TENM1: variants seen among roughly 807,000 people sequenced by gnomAD.
The protein encoded by TENM1 is teneurin transmembrane protein 1.
In TENM1, 35 loss-of-function variants were observed where a neutral mutation model predicts 174.8. The ratio of observed to expected loss-of-function variants is 0.20; its 90% CI spans 0.15 to 0.27. TENM1 has a LOEUF of 0.27. Among genes scored for constraint, TENM1 ranks in the 10% least tolerant of loss-of-function variants. The pLI is 1.00. For synonymous variants in TENM1, 781 were observed against 798.7 expected (o/e 0.98, Z 0.37); for missense variants, 1,633 against 2,130.1 (o/e 0.77, Z 4.59).
chrX:124,699,678 T>G (rs1185585238), intron 5 of TENM1, among the ~76,000 whole-genome samples: 1 of 111,935 alleles, frequency 8.9e-6, no homozygotes, highest in Non-Finnish European at 1.9e-5. Context: ...ATGTTTAATT[T>G]GGATTGGATT....
In TENM1 at chrX:124,568,156, G is replaced by T. The variant is rs145051004; in HGVS notation, c.2078-2596C>A. On this transcript the variant is annotated intron_variant, in intron 11 of 31. Coordinates refer to ENST00000422452, the Ensembl canonical transcript of TENM1. ...CACAAAAAAAGAGAAATCTTCAAGT[G>T]CCAGAAGCAAAGAGGATGCTAAAAG... Among the ~76,000 whole-genome samples the T allele has an allele frequency of 3.6e-5, 4 of 111,865 alleles. No homozygotes were observed. In the East Asian group the frequency reaches 1.1e-3, roughly 31 times the overall value.
At chrX:125,096,042 C>T in the TENM1 span, among the ~76,000 whole-genome samples, 1 of 111,823 alleles carries the variant, frequency 8.9e-6, no homozygotes, top group African/African-American at 3.3e-5. Context: ...TAGAGTGATA[C>T]CAACCTTGTC....
At chrX:124,425,994 TGGTGTGTG>T (rs1569531023) in intron 23 of TENM1, among the ~76,000 whole-genome samples, 1 of 68,015 alleles carries the variant, frequency 1.5e-5, no homozygotes, top group Non-Finnish European at 2.7e-5. Context: ...GCAAAAGGAC[TGGTGTGTG>T]TGTGTGTGTG....
intron 3 of TENM1, among the ~76,000 whole-genome samples, chrX:124,776,351 A>G (rs1299420641): frequency 2.7e-5 from 3 of 112,164 alleles, no homozygotes; most frequent in Non-Finnish European, 5.6e-5. Flanking sequence ...GGAAAATATT[A>G]TAATAAATAA....
At chrX:125,050,751 G>T in the TENM1 span, among the ~76,000 whole-genome samples, 14 of 111,586 alleles carry the variant, frequency 1.3e-4, no homozygotes, top group Non-Finnish European at 3.8e-5. Context: ...ACTTCCACAA[G>T]GGTTGAACTA....
chrX:124,690,530 C>T (rs866509948), intron 5 of TENM1, among the ~76,000 whole-genome samples: 5 of 98,630 alleles, frequency 5.1e-5, no homozygotes, highest in East Asian at 3.6e-4. Context: ...TGTGTGTATA[C>T]ACACATATAT....
At chrX:125,020,219 T>A in the TENM1 span, among the ~76,000 whole-genome samples, 2 of 111,332 alleles carry the variant, frequency 1.8e-5, no homozygotes, top group African/African-American at 6.5e-5. Flanking sequence ...ATCACAATTA[T>A]CATCTATTTT....
chrX:125,187,991 T>C, the TENM1 span, among the ~76,000 whole-genome samples: 6 of 111,628 alleles, frequency 5.4e-5, no homozygotes, highest in Non-Finnish European at 7.5e-5. Context: ...TACTCATATA[T>C]AGAAAGTTAT....
intron 4 of TENM1, among the ~76,000 whole-genome samples, chrX:124,709,201 T>C (rs1454338472): frequency 7.2e-5 from 8 of 111,863 alleles, no homozygotes; most frequent in Non-Finnish European, 1.3e-4. Context: ...ACAACTTTAT[T>C]ACAGTCGATA....
intron 1 of TENM1, among the ~76,000 whole-genome samples, chrX:124,923,942 C>T (rs1232149591): frequency 8.9e-6 from 1 of 112,300 alleles, no homozygotes; most frequent in Non-Finnish European, 1.9e-5. Flanking sequence ...CTATCCAGAA[C>T]TGTAAGATAA....
intron 15 of TENM1, among the ~76,000 whole-genome samples, chrX:124,543,615 G>A (rs759614320): frequency 1.7e-4 from 19 of 112,293 alleles, no homozygotes; most frequent in Middle Eastern, 4.6e-3. Context: ...TAATGCTTCT[G>A]TTCACCTATT....
chrX:124,599,209 A>G (rs1276954443), intron 11 of TENM1, among the ~76,000 whole-genome samples: 8 of 111,453 alleles, frequency 7.2e-5, no homozygotes, highest in Non-Finnish European at 1.3e-4. Context: ...TCAGATAAAG[A>G]GTGCAAAGGA....
At chrX:125,066,789 A>C in the TENM1 span, among the ~76,000 whole-genome samples, 1 of 112,056 alleles carries the variant, frequency 8.9e-6, no homozygotes, top group Non-Finnish European at 1.9e-5. Flanking sequence ...AATGCTGAGA[A>C]CTTTAAGTTT....
the TENM1 span, among the ~76,000 whole-genome samples, chrX:124,972,865 A>T: frequency 8.9e-6 from 1 of 112,096 alleles, no homozygotes; most frequent in Non-Finnish European, 1.9e-5. Flanking sequence ...ATTTACTGCT[A>T]TCTTAGTTTG....
At position 124,523,594 on chromosome X, in the gene TENM1, C is replaced by G. The variant is rs777061902; in HGVS notation, c.2803G>C (p.Val935Leu). 8.3e-7 allele frequency: 1 copy of G among 1,211,279 alleles called. No individual in the cohort carries two copies. The highest frequency in any genetic ancestry group is 2.2e-5 in the Admixed American group (1 of 46,007). Residue 935 changes from valine to leucine, a missense_variant, in exon 17 of 32, where the codon GTC (valine) becomes CTC (leucine). Physicochemically the swap from Val to Leu is conservative, Grantham distance 32. This residue lies in a region of TENM1 where 449 missense variants were observed against 636.2 expected (regional missense o/e 0.71). Transcript: ENST00000422452. ...GGGGATCGGTCGAAGATTAAGATGACAGAGATGCCACCGATGGCCACGAGG... is the reference window on the plus strand; with the variant it reads ...GGGGATCGGTCGAAGATTAAGATGAGAGAGATGCCACCGATGGCCACGAGG...
the TENM1 span, among the ~76,000 whole-genome samples, chrX:125,059,875 A>G: frequency 2.7e-5 from 3 of 111,043 alleles, no homozygotes; most frequent in East Asian, 5.7e-4. Context: ...ACAGAAAGAA[A>G]CATATTACTG....
chrX:124,641,836 C>G, exon 11 of TENM1: 1 of 1,211,836 alleles, frequency 8.3e-7, no homozygotes, highest in Non-Finnish European at 1.1e-6. Flanking sequence ...CAGCTGCATA[C>G]TCCAGCGTCC....
chrX:125,115,708 A>G, the TENM1 span, among the ~76,000 whole-genome samples: 1 of 111,311 alleles, frequency 9.0e-6, no homozygotes, highest in African/African-American at 3.3e-5. Flanking sequence ...TTCAAGGAGA[A>G]CTACAAGCCA....
At chrX:124,773,870 T>C (rs1040156816) in intron 3 of TENM1, among the ~76,000 whole-genome samples, 6 of 112,133 alleles carry the variant, frequency 5.4e-5, no homozygotes, top group African/African-American at 1.6e-4. Context: ...TATGGGCCTA[T>C]ATCAAGGATG....
Sources: gnomAD v4.1 joint callset for allele counts (sites outside exome capture counted in the v4.1 genomes callset) on GRCh38, gnomAD v4.1.1 for gene constraint, gnomAD v4.1.1 regional missense constraint, MANE v1.5 for transcripts, NCBI Gene and HGNC (gene_info 2026-07-23, HGNC 2026-07-21) for gene names.